Variants in GMDS observed in about 807,000 individuals in gnomAD.
GMDS encodes the protein GDP-mannose 4,6-dehydratase.
GMDS carries 20 observed loss-of-function variants against 49.9 expected under a neutral mutation model. The ratio of observed to expected loss-of-function variants is 0.40; its 90% confidence interval spans 0.28 to 0.58. The LOEUF (loss-of-function observed/expected upper bound fraction) is 0.58. Among genes scored for constraint, GMDS ranks in the 20% least tolerant of loss-of-function variants. The probability of loss-of-function intolerance (pLI) is 0.42; values close to 1 mark genes in which losing one functional copy is unlikely to be tolerated. For synonymous variants in GMDS, 177 were observed against 178.6 expected, an observed-to-expected ratio of 0.99 and a Z score of 0.07; for missense variants, 362 against 481.4, an observed-to-expected ratio of 0.75 and a Z score of 2.32.
At chr6:2,030,429 G>T (rs11242730) in intron 4 of GMDS, among the ~76,000 whole-genome samples, 32,948 of 152,104 alleles carry the variant, frequency 0.22, 3,891 homozygotes, top group Non-Finnish European at 0.25. Context: ...GGTTAAGAGG[G>T]AGCACACAAC....
At chr6:1,739,740 T>C (rs946476018) in intron 8 of GMDS, among the ~76,000 whole-genome samples, 6 of 152,116 alleles carry the variant, frequency 3.9e-5, no homozygotes, top group Admixed American at 3.9e-4. Context: ...CCCTCTGCCA[T>C]GGGGAGCAGC....
chr6:1,624,321 C>T (rs1762777788), intron 10 of GMDS, 90 bp from the exon 11 acceptor site: 3 of 1,334,982 alleles, frequency 2.2e-6, no homozygotes, highest in South Asian at 2.4e-5. Flanking sequence ...GAGAGGCCTC[C>T]GCGTCCCTCG....
At chr6:1,780,740 G>A (rs1284851497) in intron 7 of GMDS, among the ~76,000 whole-genome samples, 2 of 152,210 alleles carry the variant, frequency 1.3e-5, no homozygotes, top group Admixed American at 1.3e-4. Flanking sequence ...GCTCGCTCAC[G>A]CCATCACAGG....
At chr6:1,978,820 C>T (rs983606343) in intron 4 of GMDS, among the ~76,000 whole-genome samples, 1 of 152,162 alleles carries the variant, frequency 6.6e-6, no homozygotes, top group Admixed American at 6.5e-5. Flanking sequence ...CAACCAGGGT[C>T]TCCAGCCACC....
At chr6:1,941,802 C>T (rs1019408578) in intron 6 of GMDS, among the ~76,000 whole-genome samples, 8 of 152,188 alleles carry the variant, frequency 5.3e-5, no homozygotes, top group Non-Finnish European at 7.3e-5. Flanking sequence ...GAGCTCCAGA[C>T]AGACAGCTCC....
In GMDS at chr6:2,191,771, T is replaced by C. The variant is rs1779030860; in HGVS notation, c.102+53550A>G. On this transcript the variant is annotated intron_variant, in intron 1 of 10. Transcript: ENST00000380815. The surrounding 1 kb of genome is among the most constrained non-coding windows in gnomAD (Gnocchi z 4.6). ...TGCTGGCCTGCAGGTACCCCATGGATGAGCAGCCTGGGTACCACAGACCAT... is the reference window on the plus strand; with the variant it reads ...TGCTGGCCTGCAGGTACCCCATGGACGAGCAGCCTGGGTACCACAGACCAT... Among the ~76,000 whole-genome samples, 1 of 152,136 alleles carries C rather than the reference T, an allele frequency of 6.6e-6. No homozygotes were observed. The highest frequency in any genetic ancestry group is 2.1e-4 in the South Asian group (1 of 4,826).
intron 4 of GMDS, among the ~76,000 whole-genome samples, chr6:2,077,859 T>A (rs961552526): frequency 1.3e-5 from 2 of 152,070 alleles, no homozygotes; most frequent in African/African-American, 2.4e-5. Context: ...AGGATTAGTA[T>A]CAGTTCTTCT....
intron 1 of GMDS, among the ~76,000 whole-genome samples, chr6:2,171,900 T>C (rs1404844412): frequency 1.3e-5 from 2 of 152,136 alleles, no homozygotes; most frequent in African/African-American, 2.4e-5. Context: ...AGAACTTAAA[T>C]GCATACAGAG....
chr6:1,934,745 A>AT lies in GMDS; in HGVS notation c.644-4516dup, dbSNP rs781658231. ...TAATTCTCAAGAAAGGCTTAAAATGATTTTTTTTTTAAATTTGCTCTCCTC... is the reference window on the plus strand; with the variant it reads ...TAATTCTCAAGAAAGGCTTAAAATGATTTTTTTTTTTAAATTTGCTCTCCTC... On this transcript the variant is annotated intron_variant, in intron 6 of 10. Coordinates refer to ENST00000380815, the MANE Select transcript of GMDS (RefSeq NM_001500.4). 6.2e-3 allele frequency among the ~76,000 whole-genome samples: 933 copies of AT among 150,864 alleles called. 8 individuals are homozygous for AT. The highest frequency in any genetic ancestry group is 0.02 in the African/African-American group (841 of 41,164).
intron 7 of GMDS, among the ~76,000 whole-genome samples, chr6:1,866,554 C>T (rs917150465): frequency 1.3e-5 from 2 of 152,140 alleles, no homozygotes; most frequent in Admixed American, 6.5e-5. Context: ...GTTCAATGGG[C>T]CACTCTGAAT....
At chr6:1,914,602 C>G (rs941043115) in intron 7 of GMDS, among the ~76,000 whole-genome samples, 1 of 152,190 alleles carries the variant, frequency 6.6e-6, no homozygotes, top group South Asian at 2.1e-4. Flanking sequence ...TGCAGGGTGA[C>G]AAGTGACACC....
At chr6:1,927,431 G>T (rs1014550721) in intron 7 of GMDS, among the ~76,000 whole-genome samples, 1 of 152,186 alleles carries the variant, frequency 6.6e-6, no homozygotes, top group Non-Finnish European at 1.5e-5. Context: ...TTACTCAGAG[G>T]GTAGCGTGCT....
intron 1 of GMDS, among the ~76,000 whole-genome samples, chr6:2,176,265 A>T (rs76898990): frequency 6.6e-6 from 1 of 151,934 alleles, no homozygotes; most frequent in Non-Finnish European, 1.5e-5. Context: ...CATTTTTCTT[A>T]AAAAAAATTT....
intron 6 of GMDS, among the ~76,000 whole-genome samples, chr6:1,939,268 T>C (rs113289493): frequency 3.3e-5 from 5 of 152,058 alleles, no homozygotes; most frequent in African/African-American, 7.2e-5. Flanking sequence ...TTAGTGAGAG[T>C]TCATGTTTAG....
intron 7 of GMDS, among the ~76,000 whole-genome samples, chr6:1,851,706 A>AT (rs34694702): frequency 0.012 from 1,823 of 152,272 alleles, 11 homozygotes; most frequent in Middle Eastern, 0.048. Flanking sequence ...ACTGAACACT[A>AT]TATTTTTTAA....
chr6:1,789,773 C>CA, intron 7 of GMDS, among the ~76,000 whole-genome samples: 1 of 152,232 alleles, frequency 6.6e-6, no homozygotes, highest in Middle Eastern at 3.4e-3. Flanking sequence ...CTCCTGGGTT[C>CA]ATGTGGTCCT....
At chr6:2,098,467 A>G (rs915170246) in intron 4 of GMDS, among the ~76,000 whole-genome samples, 2 of 152,252 alleles carry the variant, frequency 1.3e-5, no homozygotes, top group Non-Finnish European at 2.9e-5. Flanking sequence ...ATAAACACCA[A>G]TCTAAGAATT....
intron 6 of GMDS, among the ~76,000 whole-genome samples, chr6:1,950,408 A>G (rs1235192572): frequency 6.6e-6 from 1 of 152,206 alleles, no homozygotes; most frequent in African/African-American, 2.4e-5. Flanking sequence ...AAACATGTTC[A>G]TTGATTTTGG....
At chr6:1,796,708 T>C (rs577158176) in intron 7 of GMDS, among the ~76,000 whole-genome samples, 3 of 152,326 alleles carry the variant, frequency 2.0e-5, no homozygotes, top group Admixed American at 6.5e-5. Flanking sequence ...AATCATAAAA[T>C]ATTAATTTGC....
Sources: gnomAD v4.1 joint callset for allele counts (sites outside exome capture counted in the v4.1 genomes callset) on GRCh38, gnomAD v4.1.1 for gene constraint, Gnocchi (gnomAD v3.1) non-coding constraint, MANE v1.5 for transcripts, NCBI Gene and HGNC (gene_info 2026-07-23, HGNC 2026-07-21) for gene names.